The following ST8SIA6 variants were observed in gnomAD, a reference collection of about 807,000 sequenced individuals.
The protein encoded by ST8SIA6 is alpha-2,8-sialyltransferase 8F.
In ST8SIA6, 39 loss-of-function variants were observed where a neutral mutation model predicts 33.6. The observed-to-expected ratio is 1.16, with a 90% confidence interval of 0.90 to 1.52. The LOEUF (loss-of-function observed/expected upper bound fraction) is 1.52, where lower values mean the gene tolerates loss of function less well. Ranked by LOEUF, ST8SIA6 falls within the 40% of genes most tolerant of loss-of-function variation. The probability of loss-of-function intolerance (pLI) is 0.00; values close to 1 mark genes in which losing one functional copy is unlikely to be tolerated. For missense variants in ST8SIA6, 441 were observed against 443.8 expected, an observed-to-expected ratio of 0.99 and a Z score of 0.06; for synonymous variants, 172 against 167.2, an observed-to-expected ratio of 1.03 and a Z score of -0.22.
chr10:17,453,207 C>T (rs1031457181), intron 2 of ST8SIA6, among the ~76,000 whole-genome samples: 2 of 148,634 alleles, frequency 1.3e-5, no homozygotes, highest in South Asian at 2.1e-4. Flanking sequence ...CAACCAAATC[C>T]CTCCATAAAG....
chr10:17,375,588 G>T (rs544090125), intron 3 of ST8SIA6, among the ~76,000 whole-genome samples: 1 of 152,226 alleles, frequency 6.6e-6, no homozygotes, highest in South Asian at 2.1e-4. Flanking sequence ...GGTACAGCAT[G>T]AAATAGCTCA....
At chr10:17,329,197 G>C (rs555143636) in intron 5 of ST8SIA6, among the ~76,000 whole-genome samples, 1 of 152,254 alleles carries the variant, frequency 6.6e-6, no homozygotes, top group African/African-American at 2.4e-5. Flanking sequence ...TATGCAAGAG[G>C]CACTATTTCA....
chr10:17,365,609 T>A (rs1235106370), intron 3 of ST8SIA6, among the ~76,000 whole-genome samples: 1 of 152,218 alleles, frequency 6.6e-6, no homozygotes, highest in Non-Finnish European at 1.5e-5. Flanking sequence ...GCCTGCTGAC[T>A]TAGTTACTTA....
intron 4 of ST8SIA6, among the ~76,000 whole-genome samples, chr10:17,344,498 G>T (rs1848771281): frequency 3.3e-5 from 5 of 152,156 alleles, no homozygotes; most frequent in Admixed American, 2.0e-4. Flanking sequence ...TCACTACCAT[G>T]AGAACAGTAT....
rs1387223797 is a variant in ST8SIA6 at position 17,317,338 on chromosome 10, C to T, written c.*3540G>A. On this transcript the variant is annotated 3_prime_UTR_variant, in exon 8 of 8. Coordinates refer to ENST00000377602, the MANE Select transcript of ST8SIA6 (RefSeq NM_001004470.3). ...AGAAATATTCTTGCCTTTCCACTCT[C>T]AGGAGGGTACTGGTGACACTGTTCC... Among the ~76,000 whole-genome samples, 1 of 152,116 alleles carries T rather than the reference C, an allele frequency of 6.6e-6. No homozygotes were observed. The highest frequency in any genetic ancestry group is 1.5e-5 in the Non-Finnish European group (1 of 68,022).
intron 2 of ST8SIA6, among the ~76,000 whole-genome samples, chr10:17,419,177 A>G (rs17141065): frequency 0.032 from 4,938 of 152,144 alleles, 82 homozygotes; most frequent in South Asian, 0.055. Flanking sequence ...AATTACACAT[A>G]TAAAGAACCT....
intron 3 of ST8SIA6, among the ~76,000 whole-genome samples, chr10:17,380,741 G>GTGTGTGTATGTGTTCATGTT: frequency 6.7e-6 from 1 of 149,532 alleles, no homozygotes; most frequent in South Asian, 2.1e-4. Context: ...GCCAAGATGT[G>GTGTGTGTATGTGTTCATGTT]TGTGTGTATG....
chr10:17,386,995 C>A (rs1470735302), intron 3 of ST8SIA6: 1 of 152,248 alleles, frequency 6.6e-6, no homozygotes, highest in Non-Finnish European at 1.5e-5. Flanking sequence ...TGGTCTTTCA[C>A]CTCCCTCTTT....
chr10:17,414,314 C>G (rs1311004300), intron 2 of ST8SIA6, among the ~76,000 whole-genome samples: 1 of 152,116 alleles, frequency 6.6e-6, no homozygotes, highest in Non-Finnish European at 1.5e-5. Context: ...TTTCATTTTC[C>G]TCTTTCAAAA....
At chr10:17,414,236 C>CT (rs1253770509) in intron 2 of ST8SIA6, among the ~76,000 whole-genome samples, 1 of 152,242 alleles carries the variant, frequency 6.6e-6, no homozygotes, top group African/African-American at 2.4e-5. Flanking sequence ...TGATTTCACT[C>CT]TAAGTTCTAT....
intron 2 of ST8SIA6, among the ~76,000 whole-genome samples, chr10:17,453,045 A>T (rs559179069): frequency 4.9e-4 from 75 of 152,156 alleles, no homozygotes; most frequent in Non-Finnish European, 7.8e-4. Context: ...CTGAAAAAAA[A>T]ACAATTACTG....
At chr10:17,405,137 T>C (rs2131684931) in intron 2 of ST8SIA6, among the ~76,000 whole-genome samples, 1 of 152,312 alleles carries the variant, frequency 6.6e-6, no homozygotes, top group East Asian at 1.9e-4. Flanking sequence ...ATAATTTAAA[T>C]TAAATCTTTA....
rs949899562 is a variant in ST8SIA6, at chr10:17,454,008, C to T, written c.101+147G>A. 7.7e-5 allele frequency: 21 copies of T among 273,286 alleles called. No homozygotes were observed. The highest frequency in any genetic ancestry group is 3.6e-4 in the African/African-American group (16 of 44,938). 16.9% of individuals were successfully genotyped at this position (273,286 alleles called of 1,614,324 possible). A position where few individuals can be genotyped will look rare whatever the true frequency, so the allele number is the denominator to read the frequency against. Reference sequence around the variant, plus strand: ...CTCCCTGCGACCCCCTCCCCCACTCCACTCTCAGGCCGTCGCCGCCCGTGG... The same window carrying T: ...CTCCCTGCGACCCCCTCCCCCACTCTACTCTCAGGCCGTCGCCGCCCGTGG... On this transcript the variant is annotated intron_variant, in intron 1 of 7. Coordinates refer to ENST00000377602, the MANE Select transcript of ST8SIA6 (RefSeq NM_001004470.3). The surrounding 1 kb of genome is among the most constrained non-coding windows in gnomAD (Gnocchi z 4.1).
chr10:17,392,595 T>C (rs1429077074), intron 2 of ST8SIA6, among the ~76,000 whole-genome samples: 1 of 151,862 alleles, frequency 6.6e-6, no homozygotes, highest in South Asian at 2.1e-4. Context: ...AAAAAGATAA[T>C]AGGATTCAAG....
chr10:17,330,986 A>G (rs759263696), intron 5 of ST8SIA6, among the ~76,000 whole-genome samples: 1 of 152,208 alleles, frequency 6.6e-6, no homozygotes, highest in Non-Finnish European at 1.5e-5. Flanking sequence ...TTTATTGACT[A>G]TAAATTCTTA....
At chr10:17,364,507 T>TTTTACGTCCAAGGCTTCAGA (rs1849497225) in intron 3 of ST8SIA6, among the ~76,000 whole-genome samples, 1 of 152,166 alleles carries the variant, frequency 6.6e-6, no homozygotes, top group Non-Finnish European at 1.5e-5. Context: ...ATGTCCAATC[T>TTTTACGTCCAAGGCTTCAGA]GGAAATGAAG....
intron 2 of ST8SIA6, among the ~76,000 whole-genome samples, chr10:17,408,492 C>G (rs748619760): frequency 7.9e-5 from 12 of 151,802 alleles, no homozygotes; most frequent in Non-Finnish European, 1.5e-4. Context: ...TGTGAAACCC[C>G]GTCTCTACTA....
chr10:17,449,228 A>G (rs571919831), intron 2 of ST8SIA6, among the ~76,000 whole-genome samples: 1 of 152,176 alleles, frequency 6.6e-6, no homozygotes, highest in African/African-American at 2.4e-5. Flanking sequence ...AGTTGAAAAA[A>G]TAGAATATTT....
chr10:17,374,153 T>G (rs1849821085), intron 3 of ST8SIA6, among the ~76,000 whole-genome samples: 1 of 149,990 alleles, frequency 6.7e-6, no homozygotes. Flanking sequence ...CACTAACAGA[T>G]TGCGTGACTT....
Sources: gnomAD v4.1 joint callset for allele counts (sites outside exome capture counted in the v4.1 genomes callset) on GRCh38, gnomAD v4.1.1 for gene constraint, Gnocchi (gnomAD v3.1) non-coding constraint, MANE v1.5 for transcripts, NCBI Gene and HGNC (gene_info 2026-07-23, HGNC 2026-07-21) for gene names.